RABGEF1: variants seen among roughly 807,000 people sequenced by gnomAD.
RABGEF1 encodes the protein rab5 GDP/GTP exchange factor.
RABGEF1 carries 26 observed loss-of-function variants against 57.3 expected under a neutral mutation model. That is an observed-to-expected ratio of 0.45 (90% CI 0.33 to 0.63). The LOEUF (loss-of-function observed/expected upper bound fraction) is 0.63, where lower values mean the gene tolerates loss of function less well. Among genes scored for constraint, RABGEF1 ranks in the 20% least tolerant of loss-of-function variants. The pLI is 0.02. For synonymous variants in RABGEF1, 185 were observed against 210.7 expected, an observed-to-expected ratio of 0.88 and a Z score of 1.06; for missense variants, 464 against 607.6, an observed-to-expected ratio of 0.76 and a Z score of 2.48.
the RABGEF1 span, among the ~76,000 whole-genome samples, chr7:66,657,708 C>G: frequency 6.6e-6 from 1 of 152,122 alleles, no homozygotes; most frequent in African/African-American, 2.4e-5. Context: ...GTAATCCCAG[C>G]TACTTGGGAG....
chr7:66,719,512 G>A (rs747309381), intron 2 of RABGEF1, among the ~76,000 whole-genome samples: 3 of 152,124 alleles, frequency 2.0e-5, no homozygotes, highest in Admixed American at 1.3e-4. Context: ...TTTTTTTTAT[G>A]TAAATCTTTC....
At chr7:66,680,714 A>AG (rs1421385049), upstream of RABGEF1, among the ~76,000 whole-genome samples, 11 of 152,146 alleles carry the variant, frequency 7.2e-5, no homozygotes, top group Non-Finnish European at 1.3e-4. Context: ...TGGGAGACCA[A>AG]GGCAGGTGGA....
rs1275830594 is a variant in RABGEF1, at chr7:66,687,115, T to A, written c.-873+4857T>A. ...AGATTACGAGCCACCACGCCCGGCT[T>A]TTTTTTTTTTTTTTTTTTTTCTTTT... On this transcript the variant is annotated intron_variant and NMD_transcript_variant, in intron 1 of 9. Transcript: ENST00000607882. Among the ~76,000 whole-genome samples the A allele has an allele frequency of 2.1e-4, 8 of 38,706 alleles. No homozygotes were observed. The East Asian group carries it at 0.02, about 95-fold the overall frequency. The allele number at this position is 38,706 out of a possible 152,430, so 25.4% of individuals were successfully genotyped here.
intron 1 of RABGEF1, among the ~76,000 whole-genome samples, chr7:66,765,011 C>T (rs1257016312): frequency 6.6e-6 from 1 of 151,880 alleles, no homozygotes; most frequent in East Asian, 1.9e-4. Flanking sequence ...GCATAGTCTC[C>T]TTATTTTAAT....
At chr7:66,743,879 C>CCGA (rs1799571771) in intron 1 of RABGEF1, among the ~76,000 whole-genome samples, 1 of 152,082 alleles carries the variant, frequency 6.6e-6, no homozygotes. Context: ...GATTCTCTAG[C>CCGA]CTCGGCCTCC....
intron 1 of RABGEF1, among the ~76,000 whole-genome samples, chr7:66,759,625 A>C (rs530922577): frequency 1.3e-5 from 2 of 152,326 alleles, no homozygotes; most frequent in East Asian, 3.9e-4. Flanking sequence ...TGGCCTCAGG[A>C]AGCTTCCAGT....
At chr7:66,678,709 G>C (rs1789484269), upstream of RABGEF1, among the ~76,000 whole-genome samples, 1 of 152,020 alleles carries the variant, frequency 6.6e-6, no homozygotes, top group African/African-American at 2.4e-5. Context: ...GTCTCACCAT[G>C]TTGCCCGGGC....
chr7:66,748,636 A>C (rs1381236226), intron 1 of RABGEF1, among the ~76,000 whole-genome samples: 1 of 152,202 alleles, frequency 6.6e-6, no homozygotes, highest in Non-Finnish European at 1.5e-5. Flanking sequence ...TGCCACACAA[A>C]CATCTACCCA....
upstream of RABGEF1, chr7:66,739,975 G>A (rs1020302967): frequency 1.3e-5 from 2 of 151,518 alleles, no homozygotes; most frequent in African/African-American, 4.8e-5. Context: ...CTGGATGTCG[G>A]TTATGTTTTT....
the RABGEF1 span, among the ~76,000 whole-genome samples, chr7:66,655,807 G>A: frequency 2.0e-5 from 3 of 152,202 alleles, no homozygotes; most frequent in Non-Finnish European, 1.5e-5. Context: ...CATATCTGCA[G>A]GATTAAGAAA....
At chr7:66,655,674 G>T in the RABGEF1 span, among the ~76,000 whole-genome samples, 8 of 152,146 alleles carry the variant, frequency 5.3e-5, no homozygotes, top group Non-Finnish European at 7.4e-5. Context: ...AGCTTTAACT[G>T]CTGTTAAAGA....
Position 66,775,314 on chromosome 7 carries a change from G to T in RABGEF1, c.267G>T (p.Lys89Asn). The change falls in exon 3 of 9, where the codon AAG becomes AAT. Residue 89 changes from lysine to asparagine, a missense_variant. Physicochemically the swap from Lys to Asn is moderately conservative, Grantham distance 94 (BLOSUM62 0). Coordinates refer to ENST00000284957, the MANE Select transcript of RABGEF1 (RefSeq NM_014504.3). Reference protein sequence around the residue: ...QSLTFSKFEEKKTNEKTRKVT... With the variant: ...QSLTFSKFEENKTNEKTRKVT... The stretch of plus-strand genomic sequence containing the variant: ...TCACATTCTCCAAGTTTGAAGAAAA[G>T]AAAACCAACGAGAAGACCCGCAAGG... 6.2e-7 allele frequency: 1 copy of T among 1,613,926 alleles called. No homozygotes were observed. Among genetic ancestry groups the T allele is most frequent in the East Asian group, 2.2e-5 (1 of 44,882 alleles).
chr7:66,777,379 G>A (rs529578318), intron 3 of RABGEF1, among the ~76,000 whole-genome samples: 90 of 151,586 alleles, frequency 5.9e-4, no homozygotes, highest in African/African-American at 2.1e-3. Context: ...CTAATTCCTG[G>A]GTCAATATTT....
At chr7:66,663,148 ACCT>A in the RABGEF1 span, among the ~76,000 whole-genome samples, 1 of 152,222 alleles carries the variant, frequency 6.6e-6, no homozygotes, top group Non-Finnish European at 1.5e-5. Flanking sequence ...AACTAACCCA[ACCT>A]ATTCCTTTAA....
intron 1 of RABGEF1, among the ~76,000 whole-genome samples, chr7:66,760,534 C>T (rs962257584): frequency 6.6e-6 from 1 of 150,954 alleles, no homozygotes; most frequent in African/African-American, 2.4e-5. Flanking sequence ...ACCTCTTCCT[C>T]CCGGGTTCAA....
intron 1 of RABGEF1, among the ~76,000 whole-genome samples, chr7:66,753,451 C>G (rs754394558): frequency 6.6e-6 from 1 of 152,168 alleles, no homozygotes; most frequent in Non-Finnish European, 1.5e-5. Context: ...TAAAATATTA[C>G]AGGCATACTT....
upstream of RABGEF1, among the ~76,000 whole-genome samples, chr7:66,679,731 T>C (rs908401798): frequency 6.6e-6 from 1 of 152,188 alleles, no homozygotes; most frequent in Non-Finnish European, 1.5e-5. Flanking sequence ...GCTCAGCTTA[T>C]TGAACGCTCA....
intron 1 of RABGEF1, among the ~76,000 whole-genome samples, chr7:66,760,027 A>G (rs1194359649): frequency 3.9e-5 from 6 of 152,184 alleles, no homozygotes; most frequent in Non-Finnish European, 8.8e-5. Flanking sequence ...CACCCTTATC[A>G]TATAGAGCAT....
At chr7:66,772,320 A>G (rs1259434796) in intron 2 of RABGEF1, among the ~76,000 whole-genome samples, 1 of 152,152 alleles carries the variant, frequency 6.6e-6, no homozygotes, top group Non-Finnish European at 1.5e-5. Flanking sequence ...TTAGTTCTCA[A>G]ATGTAGACAA....
Sources: allele counts gnomAD v4.1 joint callset (sites outside exome capture counted in the v4.1 genomes callset), GRCh38; gene constraint gnomAD v4.1.1; transcripts MANE v1.5; gene names NCBI Gene and HGNC (gene_info 2026-07-23, HGNC 2026-07-21).